Variants in IMMT observed in about 807,000 individuals in gnomAD.
IMMT encodes the protein MICOS complex subunit MIC60.
A neutral mutation model predicts 92.7 loss-of-function variants in IMMT; 40 were observed. That is an observed-to-expected ratio of 0.43 (90% CI 0.34 to 0.56). The LOEUF (loss-of-function observed/expected upper bound fraction) is 0.56. Ranked by LOEUF, IMMT falls within the 20% of genes least tolerant of loss-of-function variation. The pLI is 0.03. For missense variants in IMMT, 831 were observed against 912.1 expected (o/e 0.91, Z 1.14); for synonymous variants, 322 against 336.1 (o/e 0.96, Z 0.46).
rs1676276778 is a variant in IMMT, at chr2:86,161,536, C to T, written c.896+440G>A. Among the ~76,000 whole-genome samples the T allele has an allele frequency of 2.4e-5, 3 of 122,748 alleles. No homozygotes were observed. In the South Asian group the frequency reaches 7.6e-4, roughly 31 times the overall value. The allele number at this position is 122,748 out of a possible 152,430, so 80.5% of individuals were successfully genotyped here. On this transcript the variant is annotated intron_variant, in intron 8 of 14. Coordinates refer to ENST00000410111, the MANE Select transcript of IMMT (RefSeq NM_006839.3). ...CCTTTTTTTTTTTTTTTTTTTGAGA[C>T]AGCGTCTCACTCTGTCGCCCAGGCT...
intron 4 of IMMT, 156 bp downstream of exon 4, chr2:86,173,494 C>T (rs1473977260): frequency 7.2e-6 from 4 of 557,892 alleles, no homozygotes; most frequent in African/African-American, 3.9e-5. Context: ...GCAGGAGAAT[C>T]GCTTGAACCT....
chr2:86,195,351 G>C lies in IMMT; in HGVS notation c.32C>G (p.Thr11Ser). 6.5e-7 allele frequency: 1 copy of C among 1,549,866 alleles called. No homozygotes were observed. The highest frequency in any genetic ancestry group is 1.2e-5 in the South Asian group (1 of 83,766). The change falls in exon 1 of 15, where the codon ACC becomes AGC. Residue 11 changes from threonine to serine, a missense_variant. By Grantham distance (58) the Thr-to-Ser change is moderately conservative. Transcript: ENST00000410111. ...CCCAGTGCTCACCTGGGCGGCGGCG[G>C]TCACACCCGATAACTGACAGGCCCG... MLRACQLSGV[T>S]AAAQSCLCGK...
chr2:86,181,254 C>T, intron 2 of IMMT, 45 bp downstream of exon 2: 1 of 1,407,260 alleles, frequency 7.1e-7, no homozygotes, highest in Non-Finnish European at 1.0e-6. Flanking sequence ...ACTCCCTAAG[C>T]AGCACACAGT....
intron 8 of IMMT, among the ~76,000 whole-genome samples, chr2:86,161,741 CTT>C (rs1305995911): frequency 6.6e-6 from 1 of 151,868 alleles, no homozygotes; most frequent in South Asian, 2.1e-4. Flanking sequence ...GTCTCGATCT[CTT>C]GACCTCGTGA....
intron 4 of IMMT, among the ~76,000 whole-genome samples, chr2:86,171,959 A>ATTT (rs869190735): frequency 2.2e-3 from 90 of 40,162 alleles, no homozygotes; most frequent in Middle Eastern, 0.025. Context: ...TGTGTAGTAT[A>ATTT]TTTTTTTTTT....
In IMMT at chr2:86,170,761, C is replaced by T; in HGVS notation, c.643G>A (p.Val215Ile). The T allele has an allele frequency of 1.3e-6, 2 of 1,577,632 alleles. No individual in the cohort carries two copies. Among genetic ancestry groups the T allele is most frequent in the Non-Finnish European group, 1.7e-6 (2 of 1,159,624 alleles). The change falls in exon 6 of 15, where the codon GTT becomes ATT. Residue 215 changes from valine to isoleucine, a missense_variant. Coordinates refer to ENST00000410111, the MANE Select transcript of IMMT (RefSeq NM_006839.3). Reference sequence around the variant, plus strand: ...CTGGTTTACATACACTCAATTTTAACTTGTTCTTGTTTTTCCTGTTGTGCA... The same window carrying T: ...CTGGTTTACATACACTCAATTTTAATTTGTTCTTGTTTTTCCTGTTGTGCA... ...RLAQQEKQEQ[V>I]KIESLAKSLE...
rs1187447080 is a variant in IMMT at position 86,171,361 on chromosome 2, A to T, written c.422-16T>A. On this transcript the variant is annotated splice_polypyrimidine_tract_variant and intron_variant, in intron 4 of 14. Transcript: ENST00000410111. ...TCTGTAGGTGCTATAAATATATGTT[A>T]CTCATGGTATTTATACTTTCCTGGG... 6.2e-7 allele frequency: 1 copy of T among 1,604,950 alleles called. No individual in the cohort carries two copies. The highest frequency in any genetic ancestry group is 8.5e-7 in the Non-Finnish European group (1 of 1,174,694).
At chr2:86,164,427 C>T (rs911667102) in intron 7 of IMMT, among the ~76,000 whole-genome samples, 9 of 151,876 alleles carry the variant, frequency 5.9e-5, no homozygotes, top group South Asian at 2.1e-4. Flanking sequence ...TGGTGGCTTA[C>T]GCCTATAATC....
At chr2:86,160,829 A>G (rs534087518) in intron 8 of IMMT, among the ~76,000 whole-genome samples, 51 of 152,370 alleles carry the variant, frequency 3.3e-4, no homozygotes, top group African/African-American at 1.2e-3. Flanking sequence ...CTACATTCTG[A>G]TAAACTGCCC....
rs762962592 is a variant in IMMT, at chr2:86,144,449, T to A, written c.2096A>T (p.Glu699Val). 1.9e-6 allele frequency: 3 copies of A among 1,613,880 alleles called. No individual in the cohort carries two copies. The highest frequency in any genetic ancestry group is 1.7e-6 in the Non-Finnish European group (2 of 1,179,898). ...TGCTGCTAGCTCCAGATCACCATGC[T>A]CAATGCAATAGGAAGCATATGACAG... The part of the protein sequence containing the change: ...KLLSYASYCI[E>V]HGDLELAAKF... Residue 699 changes from glutamate to valine, a missense_variant, in exon 15 of 15, where the codon GAG becomes GTG. Physicochemically the swap from Glu to Val is moderately radical, Grantham distance 121. Transcript: ENST00000410111.
chr2:86,182,426 C>T (rs1160010153), intron 1 of IMMT, among the ~76,000 whole-genome samples: 1 of 152,196 alleles, frequency 6.6e-6, no homozygotes, highest in African/African-American at 2.4e-5. Context: ...TTACACTCTA[C>T]TGGCCAAAGC....
chr2:86,172,409 T>C (rs566553388), intron 4 of IMMT, among the ~76,000 whole-genome samples: 28 of 152,128 alleles, frequency 1.8e-4, no homozygotes, highest in Admixed American at 3.3e-4. Context: ...AGGGGTGCAA[T>C]CATAGCTCAC....
chr2:86,177,752 C>T (rs376875346), intron 3 of IMMT, among the ~76,000 whole-genome samples: 2 of 152,194 alleles, frequency 1.3e-5, no homozygotes, highest in South Asian at 2.1e-4. Flanking sequence ...GGAACCATTA[C>T]TAACCATAAT....
chr2:86,163,275 C>T lies in IMMT; in HGVS notation c.793-1196G>A, dbSNP rs529172611. On this transcript the variant is annotated intron_variant, in intron 7 of 14. Transcript: ENST00000410111. ...GAGGCCACAGTGAGCTGTAATCACA[C>T]CACTGCTCTCCAGCCTGGGTGACAG... 2.5e-4 allele frequency among the ~76,000 whole-genome samples: 38 copies of T among 152,276 alleles called. No homozygotes were observed. In the South Asian group the frequency reaches 3.7e-3, roughly 15 times the overall value.
rs1467950075 is a variant in IMMT, at chr2:86,171,286, G to C, written c.481C>G (p.Pro161Ala). 6.2e-7 allele frequency: 1 copy of C among 1,610,336 alleles called. No homozygotes were observed. The highest frequency in any genetic ancestry group is 8.5e-7 in the Non-Finnish European group (1 of 1,177,976). The change falls in exon 5 of 15, where the codon CCT becomes GCT. Residue 161 changes from proline to alanine, a missense_variant. Pro to Ala is a conservative substitution (Grantham distance 27). Coordinates refer to ENST00000410111, the MANE Select transcript of IMMT (RefSeq NM_006839.3). ...AAGDTLSVPA[P>A]AVQPEESLKT... ...AAAGATTCCTCAGGCTGAACTGCAGGGGCTGGGACCGACAGGGTATCACCT... is the reference window on the plus strand; with the variant it reads ...AAAGATTCCTCAGGCTGAACTGCAGCGGCTGGGACCGACAGGGTATCACCT...
chr2:86,177,909 CA>C (rs1677543339), intron 3 of IMMT, among the ~76,000 whole-genome samples: 1 of 152,202 alleles, frequency 6.6e-6, no homozygotes. Flanking sequence ...GTATCTCCTC[CA>C]TTTACCCTTG....
At chr2:86,182,041 G>A (rs773474249) in intron 1 of IMMT, among the ~76,000 whole-genome samples, 3 of 152,018 alleles carry the variant, frequency 2.0e-5, no homozygotes, top group Non-Finnish European at 4.4e-5. Flanking sequence ...AAATGATCAG[G>A]GCTATATGGC....
chr2:86,178,317 C>CG (rs1677577114), intron 3 of IMMT, among the ~76,000 whole-genome samples: 1 of 89,742 alleles, frequency 1.1e-5, no homozygotes, highest in Admixed American at 1.4e-4. Context: ...GACTCCATCT[C>CG]AAAAAAAAAA....
Position 86,144,759 on chromosome 2 carries a change from C to T in IMMT, c.1786G>A (p.Val596Ile). ...ETPTIPLGSA[V>I]EAIKANCSDN... ...GAACAGTTGGCTTTGATGGCCTCAA[C>T]TGCACTACCCAGCGGGATAGTAGGT... The change falls in exon 15 of 15, where the codon GTT becomes ATT. Residue 596 changes from valine (V) to isoleucine (I), a missense_variant. Coordinates refer to ENST00000410111, the MANE Select transcript of IMMT (RefSeq NM_006839.3). 1.9e-6 allele frequency: 3 copies of T among 1,613,834 alleles called. No homozygotes were observed. The highest frequency in any genetic ancestry group is 2.5e-6 in the Non-Finnish European group (3 of 1,179,900).
Sources: gnomAD v4.1 joint callset for allele counts (sites outside exome capture counted in the v4.1 genomes callset) on GRCh38, gnomAD v4.1.1 for gene constraint, MANE v1.5 for transcripts, NCBI Gene and HGNC (gene_info 2026-07-23, HGNC 2026-07-21) for gene names.